ERCC8: variants seen among roughly 807,000 people sequenced by gnomAD.
ERCC8 encodes the protein ERCC excision repair 8, CSA ubiquitin ligase complex subunit.
In ERCC8, 52 loss-of-function variants were observed where a neutral mutation model predicts 54.9. The ratio of observed to expected loss-of-function variants is 0.95; its 90% CI spans 0.76 to 1.19. The LOEUF (loss-of-function observed/expected upper bound fraction) is 1.19, where lower values mean the gene tolerates loss of function less well. Among genes scored for constraint, ERCC8 ranks in the 50% most tolerant of loss-of-function variants. The probability of loss-of-function intolerance (pLI) is 0.00; values close to 1 mark genes in which losing one functional copy is unlikely to be tolerated. For missense variants in ERCC8, 514 were observed against 466.1 expected (o/e 1.10, Z -0.95); for synonymous variants, 146 against 157.2 (o/e 0.93, Z 0.53).
rs544085706 is a variant in ERCC8, at chr5:60,881,026, G to A, written c.1123-6343C>T. Among the ~76,000 whole-genome samples the A allele has an allele frequency of 6.6e-5, 10 of 152,106 alleles. No homozygotes were observed. In the East Asian group the frequency reaches 1.4e-3, roughly 21 times the overall value. On this transcript the variant is annotated intron_variant, in intron 11 of 11. Coordinates refer to ENST00000676185, the MANE Select transcript of ERCC8 (RefSeq NM_000082.4). ...ACCTTTGGTCTTTGATGATGGTGAC[G>A]TACAGATGGGGTTTTGGTGTGGATG...
intron 4 of ERCC8, 102 bp downstream of exon 4, chr5:60,918,163 C>G (rs1749492101): frequency 4.3e-6 from 4 of 938,692 alleles, no homozygotes; most frequent in Admixed American, 3.6e-5. Flanking sequence ...GCTTTCACAT[C>G]TAACATATAT....
chr5:60,925,815 C>T (rs1749730687), intron 2 of ERCC8, among the ~76,000 whole-genome samples: 1 of 152,058 alleles, frequency 6.6e-6, no homozygotes, highest in Non-Finnish European at 1.5e-5. Context: ...ACTGCATTGA[C>T]ATTGTCATCT....
At position 60,928,853 on chromosome 5, in the gene ERCC8, A is replaced by G. The variant is rs369119364; in HGVS notation, c.173+11T>C. 14 of 1,491,314 alleles carry G rather than the reference A, an allele frequency of 9.4e-6. No homozygotes were observed. Among genetic ancestry groups the G allele is most frequent in the Non-Finnish European group, 1.3e-5 (14 of 1,070,506 alleles). 92.4% of individuals were successfully genotyped at this position (1,491,314 alleles called of 1,614,324 possible). On this transcript the variant is annotated intron_variant, in intron 2 of 11. Transcript: ENST00000676185. ...GAAAGAAAAATGATTATACAAGTAT[A>G]ATAAACTTACTATCTCCCTTCAACA...
chr5:60,899,894 C>G (rs1748826354), intron 7 of ERCC8, among the ~76,000 whole-genome samples, 167 bp from the exon 8 acceptor site: 1 of 151,344 alleles, frequency 6.6e-6, no homozygotes, highest in Admixed American at 6.6e-5. Flanking sequence ...ATTCAATAGT[C>G]AACAGTAGCT....
chr5:60,928,820 T>C, intron 2 of ERCC8, 44 bp downstream of exon 2: 1 of 1,134,712 alleles, frequency 8.8e-7, no homozygotes, highest in Non-Finnish European at 1.3e-6. Flanking sequence ...TTTACTGCAT[T>C]TCACTTAGAA....
chr5:60,902,035 AGCACAAT>A (rs1460239713), intron 7 of ERCC8, among the ~76,000 whole-genome samples: 2 of 152,090 alleles, frequency 1.3e-5, no homozygotes, highest in Non-Finnish European at 2.9e-5. Flanking sequence ...CTGTGTCCCT[AGCACAAT>A]GCTTGGCACG....
intron 1 of ERCC8, among the ~76,000 whole-genome samples, chr5:60,930,634 G>A (rs1172982371): frequency 1.3e-5 from 2 of 152,096 alleles, no homozygotes; most frequent in Non-Finnish European, 2.9e-5. Context: ...GCTGAGGCAG[G>A]AGAATCGCTT....
intron 5 of ERCC8, among the ~76,000 whole-genome samples, chr5:60,904,333 AT>A (rs895258409): frequency 6.6e-6 from 1 of 151,794 alleles, no homozygotes; most frequent in Non-Finnish European, 1.5e-5. Context: ...CCAGAAAATC[AT>A]TTTTTCTTCC....
At chr5:60,889,088 T>C (rs1458059950) in intron 10 of ERCC8, among the ~76,000 whole-genome samples, 1 of 152,194 alleles carries the variant, frequency 6.6e-6, no homozygotes, top group Non-Finnish European at 1.5e-5. Flanking sequence ...TGTCTTATGT[T>C]TCCTCATGAT....
At chr5:60,930,633 G>A (rs1352718134) in intron 1 of ERCC8, among the ~76,000 whole-genome samples, 1 of 152,168 alleles carries the variant, frequency 6.6e-6, no homozygotes, top group Non-Finnish European at 1.5e-5. Context: ...GGCTGAGGCA[G>A]GAGAATCGCT....
At position 60,898,329 on chromosome 5, in the gene ERCC8, CAACA is replaced by C. The variant is rs1464907263; in HGVS notation, c.786_789del (p.Gly264GlnfsTer5). 1.9e-6 allele frequency: 3 copies of C among 1,613,496 alleles called. No individual in the cohort carries two copies. Among genetic ancestry groups the C allele is most frequent in the Non-Finnish European group, 2.5e-6 (3 of 1,179,600 alleles). On this transcript the variant is annotated frameshift_variant, in exon 9 of 12. Coordinates refer to ENST00000676185, the MANE Select transcript of ERCC8 (RefSeq NM_000082.4). LOFTEE classifies it high-confidence loss of function. The stretch of plus-strand genomic sequence containing the variant: ...CAGAGCCTCATTCGATTATCTGTAC[CAACA>C]GTGAGGAGGTGAAGTCCATCACTTG...
chr5:60,885,605 T>C (rs978285272), intron 11 of ERCC8, among the ~76,000 whole-genome samples: 4 of 152,142 alleles, frequency 2.6e-5, no homozygotes, highest in African/African-American at 7.2e-5. Flanking sequence ...AGCAGCTGTA[T>C]GCTAAAGTTA....
At chr5:60,936,121 T>A (rs1750058081) in intron 1 of ERCC8, among the ~76,000 whole-genome samples, 1 of 152,188 alleles carries the variant, frequency 6.6e-6, no homozygotes, top group African/African-American at 2.4e-5. Flanking sequence ...TCTTTGAATG[T>A]CTGATATAAT....
Position 60,869,760 on chromosome 5 carries a change from A to AT in ERCC8, c.*4854dup, listed in dbSNP as rs1176259204. 1.3e-5 allele frequency among the ~76,000 whole-genome samples: 2 copies of AT among 152,148 alleles called. No individual in the cohort carries two copies. The highest frequency in any genetic ancestry group is 6.5e-5 in the Admixed American group (1 of 15,270). ...AAATGTGCATTTATTATTTCTACAT[A>AT]TTTTTTTAAAACTAGGCATTTCATA... On this transcript the variant is annotated 3_prime_UTR_variant, in exon 12 of 12. Coordinates refer to ENST00000676185, the MANE Select transcript of ERCC8 (RefSeq NM_000082.4).
chr5:60,908,583 A>T (rs2409838), intron 4 of ERCC8, among the ~76,000 whole-genome samples: 70,145 of 141,412 alleles, frequency 0.5, 17,942 homozygotes, highest in Admixed American at 0.55. Flanking sequence ...ATATATATAT[A>T]TTTTTTTTTT....
intron 1 of ERCC8, chr5:60,932,190 C>T (rs1253807192): frequency 6.6e-6 from 1 of 152,244 alleles, no homozygotes; most frequent in East Asian, 1.9e-4. Context: ...GGCAATAATA[C>T]TATAAAGGGA....
chr5:60,900,545 A>T (rs555840728), intron 7 of ERCC8: 58 of 152,136 alleles, frequency 3.8e-4, no homozygotes, highest in African/African-American at 9.4e-4. Context: ...TAATTTTTTT[A>T]AAAAAATATA....
chr5:60,926,528 C>T (rs1243361037), intron 2 of ERCC8, among the ~76,000 whole-genome samples: 2 of 152,038 alleles, frequency 1.3e-5, no homozygotes, highest in Non-Finnish European at 2.9e-5. Context: ...CTCAAAAATC[C>T]AATTGATGGG....
chr5:60,921,854 G>A (rs1173023885), intron 3 of ERCC8, among the ~76,000 whole-genome samples, 200 bp downstream of exon 3: 1 of 151,816 alleles, frequency 6.6e-6, no homozygotes, highest in Non-Finnish European at 1.5e-5. Flanking sequence ...AAGTTGCTTT[G>A]GGGAAGACAC....
Sources: gnomAD v4.1 joint callset for allele counts (sites outside exome capture counted in the v4.1 genomes callset) on GRCh38, gnomAD v4.1.1 for gene constraint, MANE v1.5 for transcripts, NCBI Gene and HGNC (gene_info 2026-07-23, HGNC 2026-07-21) for gene names.